The following FOXP2 variants were observed in gnomAD, a reference collection of about 807,000 sequenced individuals.
FOXP2 encodes forkhead box P2, also known as forkhead box protein P2.
In FOXP2, 12 loss-of-function variants were observed where a neutral mutation model predicts 115.8. That is an observed-to-expected ratio of 0.10 (90% confidence interval 0.07 to 0.17). FOXP2 has a LOEUF of 0.17. Ranked by LOEUF, FOXP2 falls within the 10% of genes least tolerant of loss-of-function variation. FOXP2 has a pLI of 1.00. For synonymous variants in FOXP2, 328 were observed against 297.7 expected (o/e 1.10, Z -1.05); for missense variants, 629 against 843.5 (o/e 0.75, Z 3.15).
chr7:114,205,733 A>T (rs1563004816), intron 1 of FOXP2, among the ~76,000 whole-genome samples: 1 of 152,162 alleles, frequency 6.6e-6, no homozygotes, highest in African/African-American at 2.4e-5. Context: ...GGCCTCACAG[A>T]CCTCATGGGA....
chr7:114,310,442 C>G (rs1478033625), intron 2 of FOXP2, among the ~76,000 whole-genome samples: 1 of 152,048 alleles, frequency 6.6e-6, no homozygotes, highest in Non-Finnish European at 1.5e-5. Context: ...ATGGGAATGT[C>G]AGGACTGAGG....
chr7:114,312,360 G>A (rs1797168209), intron 2 of FOXP2, among the ~76,000 whole-genome samples: 2 of 152,038 alleles, frequency 1.3e-5, no homozygotes, highest in Admixed American at 6.6e-5. Flanking sequence ...TCTCTGTTTA[G>A]CCTCTAAACA....
chr7:114,318,920 A>T lies in FOXP2; in HGVS notation c.-11+30811A>T, dbSNP rs969962448. Among the ~76,000 whole-genome samples, 9 of 152,156 alleles carry T rather than the reference A, an allele frequency of 5.9e-5. 1 individual carries two copies. The highest frequency in any genetic ancestry group is 1.3e-4 in the Non-Finnish European group (9 of 68,024). On this transcript the variant is annotated intron_variant, in intron 2 of 17. Transcript: ENST00000634411. The stretch of plus-strand genomic sequence containing the variant: ...TTAAATATTCTAGTTTAGTGTAGTT[A>T]TATTCTATATTCCAGTAATAGGAAA...
intron 2 of FOXP2, among the ~76,000 whole-genome samples, chr7:114,459,817 T>C (rs575344612): frequency 6.6e-6 from 1 of 152,158 alleles, no homozygotes; most frequent in African/African-American, 2.4e-5. Context: ...GGATTCACCA[T>C]GTTGGTCCGG....
intron 1 of FOXP2, among the ~76,000 whole-genome samples, chr7:114,424,112 A>G (rs1793735786): frequency 6.6e-6 from 1 of 151,530 alleles, no homozygotes; most frequent in Admixed American, 6.6e-5. Flanking sequence ...GTTAAAAGGA[A>G]TTATAAGTTA....
intron 8 of FOXP2, among the ~76,000 whole-genome samples, chr7:114,648,411 G>A (rs1053233825): frequency 1.3e-5 from 2 of 152,044 alleles, no homozygotes; most frequent in African/African-American, 2.4e-5. Flanking sequence ...ATATGCAAGT[G>A]AAACATTTTG....
chr7:114,503,778 T>C (rs1346912457), intron 2 of FOXP2, among the ~76,000 whole-genome samples: 1 of 151,374 alleles, frequency 6.6e-6, no homozygotes, highest in East Asian at 1.9e-4. Context: ...ATTGACTTTA[T>C]TAATAAATAG....
At chr7:114,545,591 T>C (rs1168084975) in intron 3 of FOXP2, among the ~76,000 whole-genome samples, 1 of 152,178 alleles carries the variant, frequency 6.6e-6, no homozygotes, top group Non-Finnish European at 1.5e-5. Flanking sequence ...TAAGAAAAGA[T>C]GGATTGTATA....
At chr7:114,180,083 A>C (rs1175463146) in intron 1 of FOXP2, among the ~76,000 whole-genome samples, 1 of 152,000 alleles carries the variant, frequency 6.6e-6, no homozygotes, top group Admixed American at 6.6e-5. Flanking sequence ...ACCTTAGTGG[A>C]TGTCACCTCT....
intron 1 of FOXP2, among the ~76,000 whole-genome samples, chr7:114,279,218 C>T (rs1026624428): frequency 3.3e-5 from 5 of 152,044 alleles, no homozygotes; most frequent in African/African-American, 4.8e-5. Flanking sequence ...AAAACATTAA[C>T]GTGTAGAGGA....
intron 2 of FOXP2, among the ~76,000 whole-genome samples, chr7:114,527,026 T>C (rs1050355286): frequency 4.6e-5 from 7 of 150,796 alleles, no homozygotes; most frequent in African/African-American, 1.5e-4. Flanking sequence ...TAGGTATATC[T>C]ATTCCAGGCA....
chr7:114,275,020 T>C (rs952912056), intron 1 of FOXP2, among the ~76,000 whole-genome samples: 3 of 152,066 alleles, frequency 2.0e-5, no homozygotes, highest in African/African-American at 7.2e-5. Context: ...AGAAATTAGA[T>C]GTAATTCTTA....
At chr7:114,406,458 T>C (rs548875098) in intron 2 of FOXP2, among the ~76,000 whole-genome samples, 5 of 151,996 alleles carry the variant, frequency 3.3e-5, no homozygotes, top group African/African-American at 1.2e-4. Context: ...GTGATGATTT[T>C]ATTATTCTGA....
At chr7:114,640,866 G>T (rs1429034916) in intron 6 of FOXP2, among the ~76,000 whole-genome samples, 1 of 152,082 alleles carries the variant, frequency 6.6e-6, no homozygotes, top group Non-Finnish European at 1.5e-5. Context: ...CATAAATTGG[G>T]TGATTTGGGG....
At chr7:114,597,037 T>C (rs993221869) in intron 3 of FOXP2, among the ~76,000 whole-genome samples, 5 of 152,070 alleles carry the variant, frequency 3.3e-5, no homozygotes, top group African/African-American at 1.2e-4. Context: ...AAAAAAACTT[T>C]CTTTTGGTAG....
chr7:114,572,118 G>A (rs1801335965), intron 3 of FOXP2, among the ~76,000 whole-genome samples: 1 of 151,658 alleles, frequency 6.6e-6, no homozygotes, highest in Non-Finnish European at 1.5e-5. Flanking sequence ...AATAAAAATA[G>A]TGTCAAATTA....
chr7:114,384,586 G>A (rs991350534), intron 2 of FOXP2, among the ~76,000 whole-genome samples: 2 of 152,072 alleles, frequency 1.3e-5, no homozygotes. Context: ...TTCCTCCTAG[G>A]TCTGGTCGGA....
intron 2 of FOXP2, among the ~76,000 whole-genome samples, chr7:114,435,126 A>G (rs537195364): frequency 6.6e-6 from 1 of 152,184 alleles, no homozygotes; most frequent in Non-Finnish European, 1.5e-5. Flanking sequence ...TTCAACAACT[A>G]TAAACCAATC....
intron 2 of FOXP2, among the ~76,000 whole-genome samples, chr7:114,452,507 T>C (rs937533035): frequency 6.6e-6 from 1 of 152,036 alleles, no homozygotes; most frequent in Non-Finnish European, 1.5e-5. Context: ...TTTTTAGAGG[T>C]TTGAAAATTG....
Sources: allele counts gnomAD v4.1 joint callset (sites outside exome capture counted in the v4.1 genomes callset), GRCh38; gene constraint gnomAD v4.1.1; transcripts MANE v1.5; gene names NCBI Gene and HGNC (gene_info 2026-07-23, HGNC 2026-07-21).